The following XKR4 variants were observed in gnomAD, a reference collection of about 807,000 sequenced individuals.
XKR4 encodes XK-related protein 4.
In XKR4, 12 loss-of-function variants were observed where a neutral mutation model predicts 53.9. That is an observed-to-expected ratio of 0.22 (90% CI 0.14 to 0.36). XKR4 has a LOEUF of 0.36. Among genes scored for constraint, XKR4 ranks in the 10% least tolerant of loss-of-function variants. The pLI is 1.00. For synonymous variants in XKR4, 354 were observed against 362.4 expected (o/e 0.98, Z 0.26); for missense variants, 799 against 859.5 (o/e 0.93, Z 0.88).
At chr8:55,452,656 TG>T in intron 2 of XKR4, 3 of 1,430,908 alleles carry the variant, frequency 2.1e-6, no homozygotes, top group Non-Finnish European at 2.9e-6. Context: ...AGGTGGTCAC[TG>T]GTGACCCCAC....
At chr8:55,135,950 G>A (rs1816622925) in intron 1 of XKR4, among the ~76,000 whole-genome samples, 1 of 150,794 alleles carries the variant, frequency 6.6e-6, no homozygotes, top group Admixed American at 6.6e-5. Flanking sequence ...CTGGAGTGCA[G>A]TGGCACGATC....
chr8:55,463,653 T>C (rs9760773), intron 2 of XKR4, among the ~76,000 whole-genome samples: 65,438 of 151,454 alleles, frequency 0.43, 14,462 homozygotes, highest in East Asian at 0.53. Context: ...AATAGAGAAA[T>C]AAAAAACTGT....
intron 1 of XKR4, among the ~76,000 whole-genome samples, chr8:55,348,759 C>T (rs1201602932): frequency 1.3e-5 from 2 of 150,808 alleles, no homozygotes; most frequent in Non-Finnish European, 3.0e-5. Flanking sequence ...CAGAAAGATA[C>T]AGAAATAGGT....
chr8:55,177,830 A>AT lies in XKR4; in HGVS notation c.806+74545dup, dbSNP rs1027627078. On this transcript the variant is annotated intron_variant, in intron 1 of 2. Coordinates refer to ENST00000327381, the MANE Select transcript of XKR4 (RefSeq NM_052898.2). ...GGTTGTTCTTCATCTCCTGAAAGCTATTTTTTTTTAAAGTGTGATGTCCTT... is the reference window on the plus strand; with the variant it reads ...GGTTGTTCTTCATCTCCTGAAAGCTATTTTTTTTTTAAAGTGTGATGTCCTT... Among the ~76,000 whole-genome samples the AT allele has an allele frequency of 2.5e-3, 372 of 151,164 alleles. 1 individual carries two copies. Among genetic ancestry groups the AT allele is most frequent in the African/African-American group, 8.3e-3 (343 of 41,182 alleles).
In XKR4 at chr8:55,541,055, C is replaced by T. The variant is rs534982329; in HGVS notation, c.*16828C>T. On this transcript the variant is annotated 3_prime_UTR_variant, in exon 3 of 3. Transcript: ENST00000327381. Reference sequence around the variant, plus strand: ...TCCCAAATGGCAAGGATTTTTGCTACCAATATTTGTTCTTAATTCTCCAGT... The same window carrying T: ...TCCCAAATGGCAAGGATTTTTGCTATCAATATTTGTTCTTAATTCTCCAGT... 2.0e-5 allele frequency: 3 copies of T among 152,266 alleles called. No individual in the cohort carries two copies. The East Asian group carries it at 5.8e-4, about 29-fold the overall frequency. 9.4% of individuals were successfully genotyped at this position (152,266 alleles called of 1,614,324 possible).
At chr8:55,296,930 T>A (rs1819109951) in intron 1 of XKR4, among the ~76,000 whole-genome samples, 1 of 152,216 alleles carries the variant, frequency 6.6e-6, no homozygotes, top group Non-Finnish European at 1.5e-5. Flanking sequence ...ACATTTGGGT[T>A]CTTATTTCTA....
intron 2 of XKR4, among the ~76,000 whole-genome samples, chr8:55,463,501 T>TA (rs1805697795): frequency 6.6e-6 from 1 of 151,564 alleles, no homozygotes; most frequent in Non-Finnish European, 1.5e-5. Context: ...TTTATAGCAC[T>TA]AAATGCCCAC....
rs372506626 is a variant in XKR4, at chr8:55,103,309, G to C, written c.806+15G>C. On this transcript the variant is annotated intron_variant, in intron 1 of 2. Coordinates refer to ENST00000327381, the MANE Select transcript of XKR4 (RefSeq NM_052898.2). ...CAAATCTGGAGGTACTGTAATGGGT[G>C]GGGGAAAAGGGAGGCTTGCTGCTGC... 1 of 1,573,038 alleles carries C rather than the reference G, an allele frequency of 6.4e-7. No individual in the cohort carries two copies. Among genetic ancestry groups the C allele is most frequent in the Non-Finnish European group, 8.6e-7 (1 of 1,157,320 alleles).
chr8:55,474,796 C>A (rs1805948780), intron 2 of XKR4, among the ~76,000 whole-genome samples: 1 of 152,112 alleles, frequency 6.6e-6, no homozygotes, highest in South Asian at 2.1e-4. Context: ...ATGCTTTATT[C>A]CCGTATCTCA....
intron 1 of XKR4, among the ~76,000 whole-genome samples, chr8:55,302,021 T>C (rs1474416905): frequency 2.0e-5 from 3 of 152,248 alleles, no homozygotes; most frequent in South Asian, 4.1e-4. Context: ...TTGTCAATTA[T>C]GGCTTTTGTT....
chr8:55,216,778 A>G (rs1817805683), intron 1 of XKR4, among the ~76,000 whole-genome samples: 1 of 151,720 alleles, frequency 6.6e-6, no homozygotes, highest in Non-Finnish European at 1.5e-5. Flanking sequence ...GTTCAACAGC[A>G]TTAAAATTAA....
chr8:55,207,416 C>G (rs1027716796), intron 1 of XKR4, among the ~76,000 whole-genome samples: 4 of 152,186 alleles, frequency 2.6e-5, no homozygotes, highest in Non-Finnish European at 5.9e-5. Context: ...TTATTCCATT[C>G]ATTCCCTGCA....
At chr8:55,284,872 A>G (rs948292431) in intron 1 of XKR4, among the ~76,000 whole-genome samples, 7 of 152,176 alleles carry the variant, frequency 4.6e-5, no homozygotes, top group African/African-American at 1.7e-4. Context: ...CTCACAATCT[A>G]CATCTGATCC....
At chr8:55,429,902 A>G (rs1035207223) in intron 2 of XKR4, among the ~76,000 whole-genome samples, 1 of 152,218 alleles carries the variant, frequency 6.6e-6, no homozygotes, top group Non-Finnish European at 1.5e-5. Flanking sequence ...CGAATGACTC[A>G]TATCTAGAAA....
chr8:55,139,159 G>C (rs1467320844), intron 1 of XKR4, among the ~76,000 whole-genome samples: 1 of 152,164 alleles, frequency 6.6e-6, no homozygotes, highest in Admixed American at 6.5e-5. Flanking sequence ...TATTAAAAAG[G>C]GGGCAGTAAT....
intron 2 of XKR4, chr8:55,451,529 C>T: frequency 9.7e-7 from 1 of 1,033,298 alleles, no homozygotes; most frequent in Non-Finnish European, 1.4e-6. Flanking sequence ...AAGAGTCCGA[C>T]TACACCTATG....
intron 2 of XKR4, among the ~76,000 whole-genome samples, chr8:55,386,220 G>A (rs1256723003): frequency 2.0e-5 from 3 of 152,178 alleles, no homozygotes; most frequent in Non-Finnish European, 4.4e-5. Context: ...GGGATCAGGG[G>A]AGAGTCTTGC....
chr8:55,455,178 C>T (rs1000390235), intron 2 of XKR4: 50 of 510,552 alleles, frequency 9.8e-5, no homozygotes, highest in African/African-American at 8.7e-4. Context: ...CTCGGGGACT[C>T]GAGGGCTGCG....
chr8:55,106,568 T>C lies in XKR4; in HGVS notation c.806+3274T>C, dbSNP rs561681608. Among the ~76,000 whole-genome samples the C allele has an allele frequency of 2.0e-5, 3 of 152,296 alleles. No homozygotes were observed. The East Asian group carries it at 5.8e-4, about 29-fold the overall frequency. On this transcript the variant is annotated intron_variant, in intron 1 of 2. Coordinates refer to ENST00000327381, the MANE Select transcript of XKR4 (RefSeq NM_052898.2). ...ATTACTAAGAGTGCAGTTTAGCCAG[T>C]GGGAATCACAAATTCCCTAAGAGAA... is the stretch of plus-strand genomic sequence containing the variant.
Sources: gnomAD v4.1 joint callset for allele counts (sites outside exome capture counted in the v4.1 genomes callset) on GRCh38, gnomAD v4.1.1 for gene constraint, MANE v1.5 for transcripts, NCBI Gene and HGNC (gene_info 2026-07-23, HGNC 2026-07-21) for gene names.